Variants in FRMPD4 observed in about 807,000 individuals in gnomAD.
FRMPD4 encodes FERM and PDZ domain-containing protein 4.
Under a neutral mutation model 94.1 loss-of-function variants are expected in FRMPD4, and 22 were observed. The ratio of observed to expected loss-of-function variants is 0.23; its 90% CI spans 0.17 to 0.33. FRMPD4 has a LOEUF of 0.33. Ranked by LOEUF, FRMPD4 falls within the 10% of genes least tolerant of loss-of-function variation. The pLI is 1.00. For synonymous variants in FRMPD4, 631 were observed against 548.6 expected, an observed-to-expected ratio of 1.15 and a Z score of -2.10; for missense variants, 1,111 against 1,339.9, an observed-to-expected ratio of 0.83 and a Z score of 2.67.
At chrX:12,037,611 C>T (rs907122788) in intron 3 of FRMPD4, among the ~76,000 whole-genome samples, 13 of 110,572 alleles carry the variant, frequency 1.2e-4, no homozygotes, top group Non-Finnish European at 2.1e-4. Context: ...TTCAGGGGTA[C>T]ATGTGCACAT....
intron 1 of FRMPD4, among the ~76,000 whole-genome samples, chrX:12,325,657 C>T (rs985616209): frequency 8.9e-6 from 1 of 112,317 alleles, no homozygotes; most frequent in Admixed American, 9.4e-5. Context: ...AACTTGCCAA[C>T]CCCTTCAAAC....
At chrX:12,111,947 G>A (rs1159651018) in intron 3 of FRMPD4, among the ~76,000 whole-genome samples, 13 of 111,298 alleles carry the variant, frequency 1.2e-4, no homozygotes, top group Non-Finnish European at 2.3e-4. Context: ...GGAGAAATAG[G>A]AACACTTTTA....
chrX:12,445,573 A>T (rs5935344), intron 1 of FRMPD4, among the ~76,000 whole-genome samples: 2 of 111,524 alleles, frequency 1.8e-5, no homozygotes, highest in African/African-American at 6.5e-5. Flanking sequence ...CAAATGTAAA[A>T]GGTCGGTAGT....
rs868632641 is a variant in FRMPD4, at chrX:12,717,627, G to C, written c.2801G>C (p.Arg934Pro). The stretch of plus-strand genomic sequence containing the variant: ...CAAAAACAGTCAGAAAACCTCTCCC[G>C]CATGTTCTTGGCCACTCACGAAGGC... Reference protein sequence around the residue: ...TAQKQSENLSRMFLATHEGYH... With the variant: ...TAQKQSENLSPMFLATHEGYH... The change falls in exon 16 of 17, where the codon CGC becomes CCC. Residue 934 changes from arginine (R) to proline (P), a missense_variant. Around this residue, in one of 8 missense-constraint regions of FRMPD4, gnomAD observed 551 missense variants for 591.6 expected, o/e 0.93. Coordinates refer to ENST00000675598, the MANE Select transcript of FRMPD4 (RefSeq NM_001368397.1). 1 of 1,209,208 alleles carries C rather than the reference G, an allele frequency of 8.3e-7. No homozygotes were observed. Among genetic ancestry groups the C allele is most frequent in the Non-Finnish European group, 1.1e-6 (1 of 893,158 alleles).
intron 3 of FRMPD4, among the ~76,000 whole-genome samples, chrX:12,008,894 A>G (rs2054567692): frequency 8.9e-6 from 1 of 112,140 alleles, no homozygotes. Context: ...TAGCTTGCAA[A>G]CATTTATTGG....
intron 3 of FRMPD4, among the ~76,000 whole-genome samples, chrX:11,923,738 G>T (rs569065620): frequency 8.9e-6 from 1 of 112,272 alleles, no homozygotes; most frequent in African/African-American, 3.2e-5. Flanking sequence ...AACCCTCAAG[G>T]TCATCAAATA....
At chrX:12,667,815 A>G (rs2059795517) in intron 4 of FRMPD4, among the ~76,000 whole-genome samples, 1 of 112,444 alleles carries the variant, frequency 8.9e-6, no homozygotes, top group Admixed American at 9.4e-5. Context: ...AGAAATGAAG[A>G]GAGAGGAATT....
intron 1 of FRMPD4, among the ~76,000 whole-genome samples, chrX:12,284,186 T>A (rs1276383022): frequency 1.8e-5 from 2 of 111,808 alleles, no homozygotes; most frequent in Non-Finnish European, 3.8e-5. Context: ...TGGGGAAGTA[T>A]AATATGGGCC....
intron 3 of FRMPD4, among the ~76,000 whole-genome samples, chrX:11,900,371 C>A (rs1287039043): frequency 9.0e-6 from 1 of 111,247 alleles, no homozygotes; most frequent in Non-Finnish European, 1.9e-5. Flanking sequence ...TTTTGCCAGG[C>A]CAGGACAGGA....
At position 12,506,298 on chromosome X, in the gene FRMPD4, C is replaced by CT. The variant is rs377235668; in HGVS notation, c.158+7511dup. Among the ~76,000 whole-genome samples the CT allele has an allele frequency of 7.4e-3, 816 of 109,988 alleles. 10 individuals are homozygous for CT. Among genetic ancestry groups the CT allele is most frequent in the African/African-American group, 0.025 (753 of 30,274 alleles). On this transcript the variant is annotated intron_variant, in intron 2 of 16. Transcript: ENST00000675598. ...GAGTTTTTTATTTCCTATTTAATGA[C>CT]TTTTTTTTTAAGACAAAGTCTCTCT...
intron 3 of FRMPD4, among the ~76,000 whole-genome samples, chrX:11,909,493 T>C (rs1011221931): frequency 9.0e-6 from 1 of 111,059 alleles, no homozygotes; most frequent in African/African-American, 3.3e-5. Context: ...TTCTCAATAA[T>C]GGTTTCATTG....
chrX:12,633,049 G>A (rs1451508301), intron 4 of FRMPD4, among the ~76,000 whole-genome samples: 1 of 111,772 alleles, frequency 8.9e-6, no homozygotes, highest in East Asian at 2.8e-4. Flanking sequence ...TGTGAGGGGC[G>A]TAATTGGACT....
intron 1 of FRMPD4, among the ~76,000 whole-genome samples, chrX:11,833,340 A>G (rs1005248863): frequency 9.8e-5 from 11 of 112,279 alleles, no homozygotes; most frequent in Non-Finnish European, 1.5e-4. Flanking sequence ...TAAGTTTTCA[A>G]TTCATCTAGA....
chrX:12,151,356 A>G (rs1042406870), intron 1 of FRMPD4, among the ~76,000 whole-genome samples: 2 of 110,412 alleles, frequency 1.8e-5, no homozygotes, highest in East Asian at 5.7e-4. Flanking sequence ...GTGCACAAGG[A>G]CATGAGTGGT....
chrX:12,158,260 T>C (rs971600279), intron 1 of FRMPD4, among the ~76,000 whole-genome samples: 11 of 111,631 alleles, frequency 9.9e-5, no homozygotes, highest in Non-Finnish European at 1.3e-4. Context: ...TTCCCAGTAG[T>C]TGTAAACATC....
chrX:12,708,818 G>C (rs2041929087), intron 13 of FRMPD4: 2 of 113,190 alleles, frequency 1.8e-5, no homozygotes. Context: ...AAGCACATCA[G>C]AATACACTAG....
chrX:12,609,622 C>A, intron 2 of FRMPD4, 99 bp from the exon 3 acceptor site: 1 of 756,439 alleles, frequency 1.3e-6, no homozygotes, highest in Non-Finnish European at 2.0e-6. Context: ...CACTCTCTAC[C>A]AAAAAACAGG....
chrX:12,274,422 G>A lies in FRMPD4; in HGVS notation c.41+135410G>A, dbSNP rs2054400832. Among the ~76,000 whole-genome samples, 3 of 112,185 alleles carry A rather than the reference G, an allele frequency of 2.7e-5. No homozygotes were observed. In the Admixed American group the frequency reaches 2.8e-4, roughly 11 times the overall value. On this transcript the variant is annotated intron_variant, in intron 1 of 16. Coordinates refer to ENST00000675598, the MANE Select transcript of FRMPD4 (RefSeq NM_001368397.1). ...ATAGGCTATTTTACTCTGAACAAAT[G>A]CATGTTCATTCTTAACTTCTGTGAA...
chrX:12,131,404 G>A (rs1279983258), intron 3 of FRMPD4, among the ~76,000 whole-genome samples: 1 of 111,901 alleles, frequency 8.9e-6, no homozygotes, highest in Non-Finnish European at 1.9e-5. Flanking sequence ...TATCTGCATT[G>A]CATCAGAAGG....
Sources: gnomAD v4.1 joint callset for allele counts (sites outside exome capture counted in the v4.1 genomes callset) on GRCh38, gnomAD v4.1.1 for gene constraint, gnomAD v4.1.1 regional missense constraint, MANE v1.5 for transcripts, NCBI Gene and HGNC (gene_info 2026-07-23, HGNC 2026-07-21) for gene names.